The following TRIM41 variants were observed in gnomAD, a reference collection of about 807,000 sequenced individuals.
TRIM41 encodes the protein E3 ubiquitin-protein ligase TRIM41.
A neutral mutation model predicts 60.6 loss-of-function variants in TRIM41; 21 were observed. That is an observed-to-expected ratio of 0.35 (90% CI 0.25 to 0.50). The LOEUF (loss-of-function observed/expected upper bound fraction) is 0.50. TRIM41 is among the 20% of genes least tolerant of loss of function. The probability of loss-of-function intolerance (pLI) is 0.98; values close to 1 mark genes in which losing one functional copy is unlikely to be tolerated. For missense variants in TRIM41, 846 were observed against 868.3 expected (o/e 0.97, Z 0.32); for synonymous variants, 407 against 344.9 (o/e 1.18, Z -2.00).
At chr5:181,232,636 C>A (rs1346143025) in intron 2 of TRIM41, 23 bp from the exon 3 acceptor site, 2 of 1,601,892 alleles carry the variant, frequency 1.2e-6, no homozygotes, top group Non-Finnish European at 1.7e-6. Flanking sequence ...GTGGTGTCTG[C>A]CATCCCCTTT....
intron 2 of TRIM41, 156 bp downstream of exon 2, chr5:181,230,995 G>A (rs755392401): frequency 6.7e-6 from 4 of 600,254 alleles, no homozygotes; most frequent in African/African-American, 1.9e-5. Flanking sequence ...TGAGGAGAGC[G>A]GGGCCTTAGA....
intron 1 of TRIM41, chr5:181,229,385 G>A (rs1165003309): frequency 1.3e-5 from 2 of 152,240 alleles, no homozygotes; most frequent in Non-Finnish European, 2.9e-5. Context: ...TCAGGCTGGA[G>A]CTCTCCTACC....
At chr5:181,226,290 A>T (rs1241683228) in intron 1 of TRIM41, 1 of 152,110 alleles carries the variant, frequency 6.6e-6, no homozygotes, top group Non-Finnish European at 1.5e-5. Context: ...TTTTTAGTAG[A>T]GATGGGGTTT....
At chr5:181,226,164 G>A (rs1758544187) in intron 1 of TRIM41, 3 of 151,728 alleles carry the variant, frequency 2.0e-5, no homozygotes, top group Admixed American at 2.0e-4. Flanking sequence ...AAGTGCAGTA[G>A]CATGATCTCG....
chr5:181,234,085 G>A lies in TRIM41; in HGVS notation c.1292-89G>A, dbSNP rs757072526. 5.7e-6 allele frequency: 9 copies of A among 1,592,724 alleles called. No individual in the cohort carries two copies. The Admixed American group carries it at 1.0e-4, about 18-fold the overall frequency. ...GGATGGTGTGGGGAGCTGGATTCAG[G>A]GAGAAAGGGGGCCCAATCTGTGGAG... On this transcript the variant is annotated intron_variant, in intron 5 of 5. Coordinates refer to ENST00000315073, the MANE Select transcript of TRIM41 (RefSeq NM_033549.5). This position sits in a 1 kb window ranked among gnomAD's most constrained non-coding sequence, Gnocchi z 5.6.
chr5:181,230,784 T>C lies in TRIM41; in HGVS notation c.854T>C (p.Leu285Pro). 1 of 1,613,232 alleles carries C rather than the reference T, an allele frequency of 6.2e-7. No homozygotes were observed. The highest frequency in any genetic ancestry group is 8.5e-7 in the Non-Finnish European group (1 of 1,179,484). ...QGHVEPLRKH[L>P]EAVQKMKAKE... ...CACGTGGAACCACTGAGGAAGCACCTGGAGGCAGTGCAGAAGATGAAAGCC... is the reference window on the plus strand; with the variant it reads ...CACGTGGAACCACTGAGGAAGCACCCGGAGGCAGTGCAGAAGATGAAAGCC... Residue 285 changes from leucine to proline, a missense_variant, in exon 2 of 6, where the codon CTG (leucine) becomes CCG (proline). Leu to Pro is a moderately conservative substitution (Grantham distance 98). Coordinates refer to ENST00000315073, the MANE Select transcript of TRIM41 (RefSeq NM_033549.5).
At chr5:181,230,168 C>G (rs1255508627) in intron 1 of TRIM41, 1 of 152,386 alleles carries the variant, frequency 6.6e-6, no homozygotes, top group Non-Finnish European at 1.5e-5. Context: ...CGTGGGAGCT[C>G]TCTAGTCTTG....
At position 181,233,894 on chromosome 5, in the gene TRIM41, G is replaced by A; in HGVS notation, c.1291+131G>A. On this transcript the variant is annotated intron_variant, in intron 5 of 5. Coordinates refer to ENST00000315073, the MANE Select transcript of TRIM41 (RefSeq NM_033549.5). The surrounding 1 kb of genome is among the most constrained non-coding windows in gnomAD (Gnocchi z 4.1). ...AGCAGGATCCAGGCAGCCACTCTGA[G>A]GTTGAGGTTTCAAGCCATGAGCAGG... is the stretch of plus-strand genomic sequence containing the variant. 1 of 1,454,718 alleles carries A rather than the reference G, an allele frequency of 6.9e-7. No individual in the cohort carries two copies. The highest frequency in any genetic ancestry group is 1.3e-5 in the South Asian group (1 of 78,894). The allele number at this position is 1,454,718 out of a possible 1,614,324, so 90.1% of individuals were successfully genotyped here.
At position 181,234,556 on chromosome 5, in the gene TRIM41, C is replaced by T. The variant is rs753637340; in HGVS notation, c.1674C>T (p.Arg558=). 5 of 1,614,112 alleles carry T rather than the reference C, an allele frequency of 3.1e-6. No homozygotes were observed. The Admixed American group carries it at 5.0e-5, about 16-fold the overall frequency. ...GGTGCGTGGGCACCAACGGCAAACGCTATCAGGCCCAGAGCTCCACAGAAC... is the reference window on the plus strand; with the variant it reads ...GGTGCGTGGGCACCAACGGCAAACGTTATCAGGCCCAGAGCTCCACAGAAC... ...EVWCVGTNGK[R]YQAQSSTEQT... The change falls in exon 6 of 6, where the codon CGC becomes CGT. Residue 558 remains arginine, a synonymous_variant. Coordinates refer to ENST00000315073, the MANE Select transcript of TRIM41 (RefSeq NM_033549.5). The surrounding 1 kb of genome is among the most constrained non-coding windows in gnomAD (Gnocchi z 5.6).
chr5:181,232,963 C>A, intron 3 of TRIM41, 74 bp downstream of exon 3: 1 of 1,411,666 alleles, frequency 7.1e-7, no homozygotes, highest in Non-Finnish European at 9.7e-7. Context: ...AACGCCTGTC[C>A]AGAGCTGCCT....
Position 181,235,026 on chromosome 5 carries a change from C to T in TRIM41, c.*251C>T, listed in dbSNP as rs375442169. On this transcript the variant is annotated 3_prime_UTR_variant, in exon 6 of 6. Transcript: ENST00000315073. Reference sequence around the variant, plus strand: ...CATGGGTCCCTGATAATGAGAACAGCTGCCTGGTCTTCTCTCCCAGTCTGC... The same window carrying T: ...CATGGGTCCCTGATAATGAGAACAGTTGCCTGGTCTTCTCTCCCAGTCTGC... 5 of 1,613,926 alleles carry T rather than the reference C, an allele frequency of 3.1e-6. No homozygotes were observed. Among genetic ancestry groups the T allele is most frequent in the South Asian group, 1.1e-5 (1 of 91,084 alleles).
Position 181,223,823 on chromosome 5 carries a change from G to T in TRIM41, c.-177G>T. On this transcript the variant is annotated 5_prime_UTR_variant, in exon 1 of 6. Transcript: ENST00000315073. ...TCGTAGAGACACGGTTGTCGTTTGG[G>T]AGTAGGGAACACTGTGTTGGGGTGG... 1.6e-6 allele frequency: 1 copy of T among 644,376 alleles called. No homozygotes were observed. Among genetic ancestry groups the T allele is most frequent in the Non-Finnish European group, 2.6e-6 (1 of 384,980 alleles). 39.9% of individuals were successfully genotyped at this position (644,376 alleles called of 1,614,324 possible). A position where few individuals can be genotyped will look rare whatever the true frequency, so the allele number is the denominator to read the frequency against.
In TRIM41 at chr5:181,233,786, C is replaced by T. The variant is rs1242210209; in HGVS notation, c.1291+23C>T. ...GAGGTAGGGAGGTCACCTCCACGAC[C>T]TTCCTTTGCCTTTCCCTTCACAGAC... On this transcript the variant is annotated intron_variant, in intron 5 of 5. Coordinates refer to ENST00000315073, the MANE Select transcript of TRIM41 (RefSeq NM_033549.5). The surrounding 1 kb of genome is among the most constrained non-coding windows in gnomAD (Gnocchi z 4.1). The T allele has an allele frequency of 2.5e-6, 4 of 1,614,178 alleles. No homozygotes were observed. In the Admixed American group the frequency reaches 6.7e-5, roughly 27 times the overall value.
At position 181,233,679 on chromosome 5, in the gene TRIM41, G is replaced by C; in HGVS notation, c.1207G>C (p.Asp403His). ...GCAGCCCCCAGAGGTCTGGTCCCCTGACCCGTGCCAACCCCATAGCCATGA... is the reference window on the plus strand; with the variant it reads ...GCAGCCCCCAGAGGTCTGGTCCCCTCACCCGTGCCAACCCCATAGCCATGA... ...QLQPPEVWSP[D>H]PCQPHSHDFL... The change falls in exon 5 of 6, where the codon GAC (aspartate) becomes CAC (histidine). Residue 403 changes from aspartate to histidine, a missense_variant. Asp to His is a moderately conservative substitution (Grantham distance 81). Coordinates refer to ENST00000315073, the MANE Select transcript of TRIM41 (RefSeq NM_033549.5). The surrounding 1 kb of genome is among the most constrained non-coding windows in gnomAD (Gnocchi z 4.1). 6.2e-7 allele frequency: 1 copy of C among 1,614,194 alleles called. No homozygotes were observed. The highest frequency in any genetic ancestry group is 1.1e-5 in the South Asian group (1 of 91,084).
chr5:181,224,514 C>T lies in TRIM41; in HGVS notation c.515C>T (p.Pro172Leu). Residue 172 changes from proline to leucine, a missense_variant, in exon 1 of 6, where the codon CCC (proline) becomes CTC (leucine). Physicochemically the swap from Pro to Leu is moderately conservative, Grantham distance 98. Transcript: ENST00000315073. ...GATCTAGACCCCGTCACCCCACTGCCCCCGCCTCCAGCCCCTCGGAGGTGC... is the reference window on the plus strand; with the variant it reads ...GATCTAGACCCCGTCACCCCACTGCTCCCGCCTCCAGCCCCTCGGAGGTGC... ...EEDLDPVTPL[P>L]PPPAPRRCFT... The T allele has an allele frequency of 6.2e-7, 1 of 1,612,126 alleles. No individual in the cohort carries two copies. The highest frequency in any genetic ancestry group is 1.1e-5 in the South Asian group (1 of 90,996).
intron 1 of TRIM41, chr5:181,227,632 G>A (rs1215356761): frequency 6.6e-6 from 1 of 151,892 alleles, no homozygotes. Flanking sequence ...TTACAGGCGT[G>A]AGCACCGCGC....
chr5:181,227,135 A>C (rs1477579704), intron 1 of TRIM41: 1 of 152,078 alleles, frequency 6.6e-6, no homozygotes, highest in Non-Finnish European at 1.5e-5. Flanking sequence ...GGCCTCCCAA[A>C]GTGCTAGGAT....
rs753815313 is a variant in TRIM41 at position 181,233,434 on chromosome 5, A to T, written c.1162A>T (p.Arg388Trp). The T allele has an allele frequency of 6.2e-7, 1 of 1,614,024 alleles. No individual in the cohort carries two copies. The highest frequency in any genetic ancestry group is 8.5e-7 in the Non-Finnish European group (1 of 1,179,990). Residue 388 changes from arginine to tryptophan, a missense_variant and splice_region_variant, in exon 4 of 6, where the codon AGG becomes TGG. Physicochemically the swap from Arg to Trp is moderately radical, Grantham distance 101 (BLOSUM62 -3). Transcript: ENST00000315073. This position sits in a 1 kb window ranked among gnomAD's most constrained non-coding sequence, Gnocchi z 4.1. ...CCAGGACATCAAGGAGACTTTCAAT[A>T]GGTGTGTTCCCAGTCTTTGCCCTTC... ...LLQDIKETFN[R>W]CEEVQLQPPE...
At chr5:181,230,495 T>TAAAAA (rs1333861587) in intron 1 of TRIM41, 1 of 98,896 alleles carries the variant, frequency 1.0e-5, no homozygotes, top group Non-Finnish European at 1.6e-5. Context: ...AGACTCTGTC[T>TAAAAA]CAAAAAAAAA....
Sources: allele counts gnomAD v4.1 joint callset, GRCh38; gene constraint gnomAD v4.1.1; non-coding constraint Gnocchi (gnomAD v3.1); transcripts MANE v1.5; gene names NCBI Gene and HGNC (gene_info 2026-07-23, HGNC 2026-07-21).